Variants in PHACTR2 observed in about 807,000 individuals in gnomAD.
The protein encoded by PHACTR2 is chromosome 6 open reading frame 56.
A neutral mutation model predicts 76.0 loss-of-function variants in PHACTR2; 30 were observed. The ratio of observed to expected loss-of-function variants is 0.39; its 90% confidence interval spans 0.30 to 0.54. The LOEUF (loss-of-function observed/expected upper bound fraction) is 0.54. Ranked by LOEUF, PHACTR2 falls within the 20% of genes least tolerant of loss-of-function variation. PHACTR2 has a pLI of 0.61. For synonymous variants in PHACTR2, 292 were observed against 292.5 expected, an observed-to-expected ratio of 1.00 and a Z score of 0.02; for missense variants, 696 against 781.1, an observed-to-expected ratio of 0.89 and a Z score of 1.30.
rs1479070243 is a variant in PHACTR2 at position 143,539,066 on chromosome 6, A to T, written c.217+1859A>T. On this transcript the variant is annotated intron_variant, in intron 1 of 11. Transcript: ENST00000367584. This position sits in a 1 kb window ranked among gnomAD's most constrained non-coding sequence, Gnocchi z 4.3. ...TGATTGTAGACAAAGTATAGCTTGC[A>T]TCGCCATTTTTCATTTTCATGGATG... Among the ~76,000 whole-genome samples the T allele has an allele frequency of 6.6e-6, 1 of 152,270 alleles. No homozygotes were observed. The highest frequency in any genetic ancestry group is 6.5e-5 in the Admixed American group (1 of 15,292).
chr6:143,612,010 G>A (rs2128437917), intron 1 of PHACTR2, among the ~76,000 whole-genome samples: 1 of 152,308 alleles, frequency 6.6e-6, no homozygotes, highest in African/African-American at 2.4e-5. Flanking sequence ...TGAGTTTTCA[G>A]AGAAAGACAG....
rs774179601 is a variant in PHACTR2 at position 143,548,933 on chromosome 6, C to T, written c.217+11726C>T. On this transcript the variant is annotated intron_variant, in intron 1 of 11. Transcript: ENST00000367584. This position sits in a 1 kb window ranked among gnomAD's most constrained non-coding sequence, Gnocchi z 4.5. ...AATGAGGCATGTTCCTAGGGAACAA[C>T]AAGATAAGAATAGGAAGGATGATGG... Among the ~76,000 whole-genome samples the T allele has an allele frequency of 1.6e-4, 24 of 151,686 alleles. No homozygotes were observed. Among genetic ancestry groups the T allele is most frequent in the Non-Finnish European group, 3.4e-4 (23 of 67,924 alleles).
At position 143,700,399 on chromosome 6, in the gene PHACTR2, A is replaced by G. The variant is rs1223012787; in HGVS notation, c.47-11617A>G. Among the ~76,000 whole-genome samples, 1 of 152,142 alleles carries G rather than the reference A, an allele frequency of 6.6e-6. No homozygotes were observed. On this transcript the variant is annotated intron_variant, in intron 1 of 12. Transcript: ENST00000440869. The surrounding 1 kb of genome is among the most constrained non-coding windows in gnomAD (Gnocchi z 4.1). ...GTGAAACCGCGTCTCTACTAAAAAT[A>G]CAGAAATTAGCAAGGCATGGTGGCA...
intron 1 of PHACTR2, chr6:143,711,030 T>A (rs1197389589): frequency 5.8e-6 from 3 of 517,000 alleles, no homozygotes; most frequent in Non-Finnish European, 1.2e-5. Flanking sequence ...AGTTTACGGT[T>A]TTTTAAAGGT....
chr6:143,586,473 A>G (rs9390118), intron 1 of PHACTR2, among the ~76,000 whole-genome samples: 107,792 of 151,846 alleles, frequency 0.71, 38,534 homozygotes, highest in Middle Eastern at 0.8. Flanking sequence ...CTTAGCCCAC[A>G]AGGGTTCTTG....
In PHACTR2 at chr6:143,753,106, G is replaced by A. The variant is rs187073656; in HGVS notation, c.296-648G>A. ...TCAAATTATTTTTAGGACAACTTAGGGACTTTTTGGCTAGTTATATATAAT... is the reference window on the plus strand; with the variant it reads ...TCAAATTATTTTTAGGACAACTTAGAGACTTTTTGGCTAGTTATATATAAT... On this transcript the variant is annotated intron_variant, in intron 3 of 12. Transcript: ENST00000440869. This position sits in a 1 kb window ranked among gnomAD's most constrained non-coding sequence, Gnocchi z 4.6. Among the ~76,000 whole-genome samples, 27 of 150,862 alleles carry A rather than the reference G, an allele frequency of 1.8e-4. No individual in the cohort carries two copies. Among genetic ancestry groups the A allele is most frequent in the African/African-American group, 6.3e-4 (26 of 41,150 alleles).
At position 143,750,170 on chromosome 6, in the gene PHACTR2, A is replaced by C. The variant is rs922843426; in HGVS notation, c.295+1105A>C. ...AAGAAAGTAGGGAACTCTGCAGTGA[A>C]TAGTAGCATTTTCTTAAGCCCTCGC... On this transcript the variant is annotated intron_variant, in intron 3 of 12. Transcript: ENST00000440869. The surrounding 1 kb of genome is among the most constrained non-coding windows in gnomAD (Gnocchi z 4.6). Among the ~76,000 whole-genome samples the C allele has an allele frequency of 4.6e-5, 7 of 152,280 alleles. No individual in the cohort carries two copies. The highest frequency in any genetic ancestry group is 4.6e-4 in the Admixed American group (7 of 15,298).
chr6:143,652,054 C>G lies in PHACTR2; in HGVS notation c.13+43732C>G, dbSNP rs1340808287. 3.8e-5 allele frequency among the ~76,000 whole-genome samples: 5 copies of G among 131,012 alleles called. No individual in the cohort carries two copies. Among genetic ancestry groups the G allele is most frequent in the African/African-American group, 1.5e-4 (5 of 33,484 alleles). The allele number at this position is 131,012 out of a possible 152,430, so 85.9% of individuals were successfully genotyped here. ...GCCTCCAGCCTGAGAAATTAAAGTT[C>G]TGTTGTTTAAGCAAAAAAAAAAAAA... On this transcript the variant is annotated intron_variant, in intron 1 of 11. Transcript: ENST00000305766. This position sits in a 1 kb window ranked among gnomAD's most constrained non-coding sequence, Gnocchi z 4.5.
In PHACTR2 at chr6:143,598,704, T is replaced by C. The variant is rs1775779476; in HGVS notation, c.217+61497T>C. Reference sequence around the variant, plus strand: ...TTAGAACCTGGTTAACCTTGACTGTTATCCAGTGCCTTTCCTGGCTTTGTC... The same window carrying C: ...TTAGAACCTGGTTAACCTTGACTGTCATCCAGTGCCTTTCCTGGCTTTGTC... On this transcript the variant is annotated intron_variant, in intron 1 of 11. Coordinates refer to the PHACTR2 transcript ENST00000367584. This position sits in a 1 kb window ranked among gnomAD's most constrained non-coding sequence, Gnocchi z 4.1. Among the ~76,000 whole-genome samples the C allele has an allele frequency of 6.6e-6, 1 of 152,238 alleles. No individual in the cohort carries two copies. The highest frequency in any genetic ancestry group is 2.4e-5 in the African/African-American group (1 of 41,466).
chr6:143,748,840 A>G lies in PHACTR2; in HGVS notation c.215-145A>G, dbSNP rs956792365. 6.0e-6 allele frequency: 3 copies of G among 499,700 alleles called. No homozygotes were observed. The African/African-American group carries it at 1.0e-4, about 17-fold the overall frequency. The allele number at this position is 499,700 out of a possible 1,614,324, so 31.0% of individuals were successfully genotyped here. A position where few individuals can be genotyped will look rare whatever the true frequency, so the allele number is the denominator to read the frequency against. On this transcript the variant is annotated intron_variant, in intron 2 of 12. Transcript: ENST00000440869. ...TCATAGCTGTGTTGATTCCACTCAG[A>G]TCATGTGTTTTTTTTAAGCAACTAA...
Position 143,780,469 on chromosome 6 carries a change from C to T in PHACTR2, c.1646-2750C>T, listed in dbSNP as rs751357602. Among the ~76,000 whole-genome samples, 1 of 152,112 alleles carries T rather than the reference C, an allele frequency of 6.6e-6. No homozygotes were observed. Among genetic ancestry groups the T allele is most frequent in the Non-Finnish European group, 1.5e-5 (1 of 68,008 alleles). On this transcript the variant is annotated intron_variant, in intron 9 of 12. Transcript: ENST00000440869. This position sits in a 1 kb window ranked among gnomAD's most constrained non-coding sequence, Gnocchi z 4.4. ...TCCACCAAAAATTGAAAAAACAAAACATCTACATGGAAACATGTAAAAAGC... is the reference window on the plus strand; with the variant it reads ...TCCACCAAAAATTGAAAAAACAAAATATCTACATGGAAACATGTAAAAAGC...
chr6:143,776,857 C>T lies in PHACTR2; in HGVS notation c.1590-471C>T, dbSNP rs925303274. On this transcript the variant is annotated intron_variant, in intron 8 of 12. Coordinates refer to ENST00000440869, the MANE Select transcript of PHACTR2 (RefSeq NM_001100164.2). This position sits in a 1 kb window ranked among gnomAD's most constrained non-coding sequence, Gnocchi z 5.3. Reference sequence around the variant, plus strand: ...GCCCCATTCCTTCTGTCTTGCTGCTCTCCCATCCCCTAGATGGTCTCAGCT... The same window carrying T: ...GCCCCATTCCTTCTGTCTTGCTGCTTTCCCATCCCCTAGATGGTCTCAGCT... Among the ~76,000 whole-genome samples, 6 of 152,208 alleles carry T rather than the reference C, an allele frequency of 3.9e-5. No individual in the cohort carries two copies. The highest frequency in any genetic ancestry group is 1.2e-4 in the African/African-American group (5 of 41,452).
Position 143,554,409 on chromosome 6 carries a change from G to C in PHACTR2, c.217+17202G>C, listed in dbSNP as rs1054537705. On this transcript the variant is annotated intron_variant, in intron 1 of 11. Transcript: ENST00000367584. This position sits in a 1 kb window ranked among gnomAD's most constrained non-coding sequence, Gnocchi z 5.9. Reference sequence around the variant, plus strand: ...CTGCTATCGATTTTGTAGTCGGGGAGTGGGATTGGGCTCAACTCTGAATGT... The same window carrying C: ...CTGCTATCGATTTTGTAGTCGGGGACTGGGATTGGGCTCAACTCTGAATGT... 3.9e-5 allele frequency: 6 copies of C among 152,194 alleles called. No individual in the cohort carries two copies. The highest frequency in any genetic ancestry group is 1.4e-4 in the African/African-American group (6 of 41,426). 9.4% of individuals were successfully genotyped at this position (152,194 alleles called of 1,614,324 possible).
At position 143,684,430 on chromosome 6, in the gene PHACTR2, G is replaced by A. The variant is rs1777467844; in HGVS notation, c.46+6221G>A. Reference sequence around the variant, plus strand: ...CTTCCCAAATATATCTCAAGTCCATGCTCTTCTGTCTGTCCCTACTGCCAC... The same window carrying A: ...CTTCCCAAATATATCTCAAGTCCATACTCTTCTGTCTGTCCCTACTGCCAC... On this transcript the variant is annotated intron_variant, in intron 1 of 12. Coordinates refer to ENST00000440869, the MANE Select transcript of PHACTR2 (RefSeq NM_001100164.2). The surrounding 1 kb of genome is among the most constrained non-coding windows in gnomAD (Gnocchi z 4.3). Among the ~76,000 whole-genome samples the A allele has an allele frequency of 6.6e-6, 1 of 152,098 alleles. No individual in the cohort carries two copies. Among genetic ancestry groups the A allele is most frequent in the Admixed American group, 6.5e-5 (1 of 15,280 alleles).
intron 1 of PHACTR2, among the ~76,000 whole-genome samples, chr6:143,579,888 A>G (rs1775554054): frequency 6.6e-6 from 1 of 152,186 alleles, no homozygotes; most frequent in African/African-American, 2.4e-5. Context: ...GGTATGCGCC[A>G]GGGCTGCAGT....
Position 143,710,749 on chromosome 6 carries a change from T to G in PHACTR2, c.47-1267T>G, listed in dbSNP as rs1778156470. Among the ~76,000 whole-genome samples, 1 of 152,358 alleles carries G rather than the reference T, an allele frequency of 6.6e-6. No individual in the cohort carries two copies. Among genetic ancestry groups the G allele is most frequent in the Admixed American group, 6.5e-5 (1 of 15,310 alleles). ...TTCTTGGAAGCAGAAGTCCTTGCTC[T>G]TCAATTTTTGTTTTTATTTGTTTTA... On this transcript the variant is annotated intron_variant, in intron 1 of 12. Transcript: ENST00000440869. This position sits in a 1 kb window ranked among gnomAD's most constrained non-coding sequence, Gnocchi z 4.9.
intron 1 of PHACTR2, among the ~76,000 whole-genome samples, chr6:143,691,632 G>A (rs1777645548): frequency 6.6e-6 from 1 of 152,158 alleles, no homozygotes; most frequent in African/African-American, 2.4e-5. Flanking sequence ...TACTGTTTAG[G>A]AAAAGACCAC....
chr6:143,552,419 A>C (rs1288015781), intron 1 of PHACTR2, among the ~76,000 whole-genome samples: 1 of 152,202 alleles, frequency 6.6e-6, no homozygotes, highest in African/African-American at 2.4e-5. Flanking sequence ...TTAAGGAGCA[A>C]AACCACAAAT....
Position 143,760,574 on chromosome 6 carries a change from G to T in PHACTR2, c.628G>T (p.Ala210Ser), listed in dbSNP as rs543891345. Residue 210 changes from alanine to serine, a missense_variant, in exon 5 of 13, where the codon GCT (alanine) becomes TCT (serine). Physicochemically the swap from Ala to Ser is moderately conservative, Grantham distance 99 (BLOSUM62 1). This residue lies in a region of PHACTR2 where 460 missense variants were observed against 450.9 expected (regional missense o/e 1.02). Coordinates refer to ENST00000440869, the MANE Select transcript of PHACTR2 (RefSeq NM_001100164.2). The surrounding 1 kb of genome is among the most constrained non-coding windows in gnomAD (Gnocchi z 6.4). The part of the protein sequence containing the change: ...EVPPIKKNTK[A>S]PGKQAPVPPP... ...GCCTCCCATTAAAAAAAATACCAAG[G>T]CTCCTGGTAAGCAGGCCCCCGTCCC... The T allele has an allele frequency of 2.5e-6, 4 of 1,613,808 alleles. No individual in the cohort carries two copies. In the African/African-American group the frequency reaches 4.0e-5, roughly 16 times the overall value.
Sources: allele counts gnomAD v4.1 joint callset (sites outside exome capture counted in the v4.1 genomes callset), GRCh38; gene constraint gnomAD v4.1.1; regional missense constraint gnomAD v4.1.1; non-coding constraint Gnocchi (gnomAD v3.1); transcripts MANE v1.5; gene names NCBI Gene and HGNC (gene_info 2026-07-23, HGNC 2026-07-21).